Variants in ST3GAL3 observed in about 807,000 individuals in gnomAD.
ST3GAL3 encodes CMP-N-acetylneuraminate-beta-1,4-galactoside alpha-2,3-sialyltransferase.
In ST3GAL3, 21 loss-of-function variants were observed where a neutral mutation model predicts 50.1. That is an observed-to-expected ratio of 0.42 (90% CI 0.30 to 0.60). ST3GAL3 has a LOEUF of 0.60. Among genes scored for constraint, ST3GAL3 ranks in the 20% least tolerant of loss-of-function variants. The probability of loss-of-function intolerance (pLI) is 0.19; values close to 1 mark genes in which losing one functional copy is unlikely to be tolerated. For missense variants in ST3GAL3, 353 were observed against 489.4 expected (o/e 0.72, Z 2.63); for synonymous variants, 183 against 190.0 (o/e 0.96, Z 0.30).
At chr1:43,867,779 A>G (rs2071689076) in intron 5 of ST3GAL3, among the ~76,000 whole-genome samples, 1 of 152,176 alleles carries the variant, frequency 6.6e-6, no homozygotes, top group Non-Finnish European at 1.5e-5. Flanking sequence ...TGGCTCTTGT[A>G]GGCATTTGAG....
intron 4 of ST3GAL3, among the ~76,000 whole-genome samples, chr1:43,823,408 G>A (rs12131981): frequency 0.36 from 54,376 of 151,982 alleles, 10,709 homozygotes; most frequent in East Asian, 0.59. Flanking sequence ...TCCCGCCTCA[G>A]ACTCTTGGCA....
chr1:43,856,915 G>T (rs1320902454), intron 5 of ST3GAL3, among the ~76,000 whole-genome samples: 1 of 152,034 alleles, frequency 6.6e-6, no homozygotes, highest in Non-Finnish European at 1.5e-5. Flanking sequence ...CATAGGTGGA[G>T]CTGCGGTAGA....
intron 2 of ST3GAL3, among the ~76,000 whole-genome samples, chr1:43,759,960 G>T (rs1689667362): frequency 6.6e-6 from 1 of 152,162 alleles, no homozygotes. Flanking sequence ...CAAAAAAAAT[G>T]TGGTGATGAA....
intron 2 of ST3GAL3, among the ~76,000 whole-genome samples, chr1:43,750,044 A>T (rs1192368410): frequency 1.3e-5 from 2 of 152,180 alleles, no homozygotes; most frequent in African/African-American, 4.8e-5. Flanking sequence ...TAAATTACCC[A>T]GTCTCAGGTA....
At chr1:43,827,388 T>C (rs767134023) in intron 4 of ST3GAL3, among the ~76,000 whole-genome samples, 17 of 152,150 alleles carry the variant, frequency 1.1e-4, no homozygotes, top group Non-Finnish European at 1.9e-4. Flanking sequence ...TATGTGTAAA[T>C]GTGTTTGTGC....
chr1:43,881,776 G>A (rs1344625693), intron 5 of ST3GAL3, among the ~76,000 whole-genome samples: 2 of 151,700 alleles, frequency 1.3e-5, no homozygotes, highest in Non-Finnish European at 2.9e-5. Flanking sequence ...GTAGCTGGCA[G>A]TATTTCAGAA....
At chr1:43,805,818 CTCCACCTCCTGGGTT>C (rs2059809224) in intron 3 of ST3GAL3, among the ~76,000 whole-genome samples, 1 of 152,156 alleles carries the variant, frequency 6.6e-6, no homozygotes, top group Non-Finnish European at 1.5e-5. Context: ...TCACGGTAAC[CTCCACCTCCTGGGTT>C]CAGGCAGTTC....
At chr1:43,905,423 T>G (rs1252162309) in intron 9 of ST3GAL3, among the ~76,000 whole-genome samples, 2 of 73,076 alleles carry the variant, frequency 2.7e-5, no homozygotes, top group Non-Finnish European at 5.2e-5. Flanking sequence ...CCTGCCACTT[T>G]TCCTCCCCCT....
At chr1:43,848,494 G>A (rs921710143) in intron 5 of ST3GAL3, among the ~76,000 whole-genome samples, 7 of 151,614 alleles carry the variant, frequency 4.6e-5, no homozygotes, top group African/African-American at 7.3e-5. Context: ...TAGTAGAGAC[G>A]GGGTTTCACC....
intron 1 of ST3GAL3, among the ~76,000 whole-genome samples, chr1:43,713,985 C>T (rs868717160): frequency 3.9e-5 from 6 of 152,108 alleles, no homozygotes; most frequent in East Asian, 1.9e-4. Flanking sequence ...CCATACGGGC[C>T]GGGTGCAGTA....
intron 9 of ST3GAL3, among the ~76,000 whole-genome samples, chr1:43,917,614 A>ATTATT (rs1255524307): frequency 1.3e-5 from 1 of 74,952 alleles, no homozygotes; most frequent in Non-Finnish European, 2.4e-5. Flanking sequence ...TATATATTAT[A>ATTATT]TATTATATTA....
chr1:43,801,131 G>A (rs2059268073), intron 3 of ST3GAL3, among the ~76,000 whole-genome samples: 1 of 152,132 alleles, frequency 6.6e-6, no homozygotes, highest in Admixed American at 6.5e-5. Flanking sequence ...TTCGAAGCAC[G>A]GCAATTTCTG....
At chr1:43,806,715 G>T (rs1200238113) in intron 3 of ST3GAL3, among the ~76,000 whole-genome samples, 2 of 152,176 alleles carry the variant, frequency 1.3e-5, no homozygotes, top group Non-Finnish European at 2.9e-5. Flanking sequence ...TTGAAACAGG[G>T]TCTTACTCCC....
intron 1 of ST3GAL3, 147 bp from the exon 2 acceptor site, chr1:43,736,086 A>T (rs917352492): frequency 1.4e-6 from 1 of 716,702 alleles, no homozygotes; most frequent in Non-Finnish European, 2.3e-6. Flanking sequence ...TGAGATGGGG[A>T]TGAGCAGGTT....
At chr1:43,860,957 G>T (rs535557994) in intron 5 of ST3GAL3, among the ~76,000 whole-genome samples, 35 of 152,336 alleles carry the variant, frequency 2.3e-4, no homozygotes, top group Non-Finnish European at 3.7e-4. Context: ...CGGTGAGGCT[G>T]GTCGGAGGAC....
At chr1:43,869,405 C>G (rs1032387823) in intron 5 of ST3GAL3, among the ~76,000 whole-genome samples, 7 of 152,126 alleles carry the variant, frequency 4.6e-5, no homozygotes, top group African/African-American at 1.7e-4. Flanking sequence ...AGGGCCCCTC[C>G]CTGTCACAGT....
chr1:43,910,695 C>T (rs531160875), intron 9 of ST3GAL3, among the ~76,000 whole-genome samples: 3 of 152,300 alleles, frequency 2.0e-5, no homozygotes, highest in Admixed American at 1.3e-4. Context: ...TGTTTCTTGG[C>T]CTTCAGGATA....
At chr1:43,814,276 A>G (rs113061896) in intron 3 of ST3GAL3, among the ~76,000 whole-genome samples, 205 of 152,360 alleles carry the variant, frequency 1.3e-3, no homozygotes, top group African/African-American at 4.7e-3. Context: ...ATACAATTTT[A>G]TAGAACTGCT....
intron 2 of ST3GAL3, among the ~76,000 whole-genome samples, chr1:43,785,445 T>C (rs1251976635): frequency 2.6e-5 from 4 of 152,204 alleles, no homozygotes; most frequent in Non-Finnish European, 5.9e-5. Context: ...ACAGCTTCAA[T>C]GTAGCAAGAG....
Sources: allele counts gnomAD v4.1 joint callset (sites outside exome capture counted in the v4.1 genomes callset), GRCh38; gene constraint gnomAD v4.1.1; transcripts MANE v1.5; gene names NCBI Gene and HGNC (gene_info 2026-07-23, HGNC 2026-07-21).